MSRB3: variants seen among roughly 807,000 people sequenced by gnomAD.
MSRB3 encodes methionine-R-sulfoxide reductase B3.
In MSRB3, 13 loss-of-function variants were observed where a neutral mutation model predicts 21.0. That is an observed-to-expected ratio of 0.62 (90% CI 0.40 to 0.98). The LOEUF (loss-of-function observed/expected upper bound fraction) is 0.98, where lower values mean the gene tolerates loss of function less well. Ranked by LOEUF, MSRB3 falls within the 50% of genes least tolerant of loss-of-function variation. The pLI, the probability that MSRB3 is intolerant of heterozygous loss-of-function variation, is 0.00. For synonymous variants in MSRB3, 87 were observed against 88.6 expected (o/e 0.98, Z 0.10); for missense variants, 199 against 230.3 (o/e 0.86, Z 0.88).
Position 65,426,648 on chromosome 12 carries a change from T to C in MSRB3, c.293-27080T>C, listed in dbSNP as rs556943429. On this transcript the variant is annotated intron_variant, in intron 5 of 6. Coordinates refer to ENST00000308259, the MANE Select transcript of MSRB3 (RefSeq NM_001031679.3). ...TTTAAATAAGCTTTCTGGCTCTTTG[T>C]CTCTTTATTCTCCCCCAAATCCTAT... Among the ~76,000 whole-genome samples the C allele has an allele frequency of 6.6e-5, 10 of 152,332 alleles. No homozygotes were observed. In the South Asian group the frequency reaches 2.1e-3, roughly 32 times the overall value.
chr12:65,342,332 A>G (rs774234928), intron 4 of MSRB3, among the ~76,000 whole-genome samples: 21 of 151,998 alleles, frequency 1.4e-4, no homozygotes, highest in Non-Finnish European at 2.7e-4. Flanking sequence ...GGCAGAAAAT[A>G]TAAACAGATA....
At chr12:65,431,016 A>G (rs1881851862) in intron 5 of MSRB3, among the ~76,000 whole-genome samples, 3 of 152,094 alleles carry the variant, frequency 2.0e-5, no homozygotes, top group Admixed American at 1.3e-4. Flanking sequence ...AAATTCATCA[A>G]ACTCCTTTCC....
intron 5 of MSRB3, among the ~76,000 whole-genome samples, chr12:65,389,557 C>T (rs763122064): frequency 6.6e-6 from 1 of 152,296 alleles, no homozygotes; most frequent in East Asian, 1.9e-4. Context: ...GCTATCCTCA[C>T]GTGTGATTTC....
rs758848551 is a variant in MSRB3 at position 65,463,148 on chromosome 12, C to G, written c.391-7C>G. ...CTTTTCCCTGACGTTTTGTTCTTCT[C>G]TTTCAGTGTGGTGCTCACCTTGGGC... On this transcript the variant is annotated splice_polypyrimidine_tract_variant and splice_region_variant and intron_variant, in intron 6 of 6. Transcript: ENST00000308259. The G allele has an allele frequency of 2.6e-5, 42 of 1,613,932 alleles. No individual in the cohort carries two copies. The highest frequency in any genetic ancestry group is 1.5e-4 in the Admixed American group (9 of 60,002).
intron 1 of MSRB3, chr12:65,285,057 A>G (rs1236861561): frequency 6.6e-6 from 1 of 152,232 alleles, no homozygotes; most frequent in Non-Finnish European, 1.5e-5. Context: ...AATGTGAAGA[A>G]GATATGATTT....
intron 5 of MSRB3, among the ~76,000 whole-genome samples, chr12:65,393,931 T>G (rs1330848708): frequency 6.6e-6 from 1 of 152,110 alleles, no homozygotes; most frequent in African/African-American, 2.4e-5. Flanking sequence ...TAAATATTTA[T>G]GCCACTAAAT....
At chr12:65,332,662 A>G (rs917139700) in intron 4 of MSRB3, among the ~76,000 whole-genome samples, 1 of 152,136 alleles carries the variant, frequency 6.6e-6, no homozygotes, top group Non-Finnish European at 1.5e-5. Context: ...CATTTCCCCC[A>G]CTGCTATTTC....
At chr12:65,291,553 A>C (rs1872666917) in intron 1 of MSRB3, among the ~76,000 whole-genome samples, 1 of 151,714 alleles carries the variant, frequency 6.6e-6, no homozygotes, top group Admixed American at 6.6e-5. Context: ...AGTTGCTTAC[A>C]TCCTTGCTGT....
chr12:65,380,771 G>A lies in MSRB3; in HGVS notation c.292+11745G>A, dbSNP rs910167937. On this transcript the variant is annotated intron_variant, in intron 5 of 6. Transcript: ENST00000308259. ...TATAAATGAATAGACCAAAGCACAG[G>A]AAGTTTAGATATTTGCCCAAGGTCA... Among the ~76,000 whole-genome samples the A allele has an allele frequency of 3.3e-5, 5 of 152,254 alleles. No homozygotes were observed. In the South Asian group the frequency reaches 1.0e-3, roughly 32 times the overall value.
intron 1 of MSRB3, among the ~76,000 whole-genome samples, chr12:65,290,847 G>T (rs1021153753): frequency 4.6e-5 from 7 of 152,066 alleles, no homozygotes; most frequent in Non-Finnish European, 8.8e-5. Flanking sequence ...TTTAAAATCA[G>T]ACATATATAA....
Position 65,287,995 on chromosome 12 carries a change from A to G in MSRB3, c.-52+9130A>G, listed in dbSNP as rs910291980. Among the ~76,000 whole-genome samples, 3 of 152,068 alleles carry G rather than the reference A, an allele frequency of 2.0e-5. No homozygotes were observed. In the South Asian group the frequency reaches 6.2e-4, roughly 32 times the overall value. On this transcript the variant is annotated intron_variant, in intron 1 of 6. Transcript: ENST00000308259. ...CAAAATGAATGAATTGGACTGGGTA[A>G]TACCTGGTGTTGCTTTAAGATTCTG...
intron 4 of MSRB3, among the ~76,000 whole-genome samples, chr12:65,335,031 C>T (rs567190666): frequency 7.3e-4 from 111 of 152,212 alleles, no homozygotes; most frequent in African/African-American, 2.6e-3. Flanking sequence ...CTTTATCAAA[C>T]AATCAGAACA....
intron 5 of MSRB3, among the ~76,000 whole-genome samples, chr12:65,404,366 A>G (rs1418181147): frequency 6.6e-6 from 1 of 152,220 alleles, no homozygotes; most frequent in Non-Finnish European, 1.5e-5. Flanking sequence ...ATATTCCCAA[A>G]TATTTCCTGT....
chr12:65,302,618 C>T (rs1349214177), intron 1 of MSRB3, among the ~76,000 whole-genome samples: 6 of 152,108 alleles, frequency 3.9e-5, no homozygotes, highest in African/African-American at 1.2e-4. Context: ...TCTGAATAGC[C>T]AGGATTCTGT....
chr12:65,306,736 A>G (rs1313531165), intron 1 of MSRB3: 2 of 665,500 alleles, frequency 3.0e-6, no homozygotes, highest in Middle Eastern at 7.8e-4. Context: ...AGCCCTGGCT[A>G]TTTGGGTAGA....
At chr12:65,371,934 A>G (rs1469169850) in intron 5 of MSRB3, among the ~76,000 whole-genome samples, 2 of 152,196 alleles carry the variant, frequency 1.3e-5, no homozygotes, top group African/African-American at 4.8e-5. Context: ...ACCATGTATA[A>G]AAGTAGAAAG....
At chr12:65,360,938 A>G (rs1877664146) in intron 4 of MSRB3, among the ~76,000 whole-genome samples, 1 of 152,084 alleles carries the variant, frequency 6.6e-6, no homozygotes, top group African/African-American at 2.4e-5. Context: ...TCCCTCTTAA[A>G]CATTTCCAAT....
chr12:65,441,533 T>C (rs1209193493), intron 5 of MSRB3, among the ~76,000 whole-genome samples: 2 of 152,136 alleles, frequency 1.3e-5, no homozygotes, highest in African/African-American at 2.4e-5. Flanking sequence ...CAGGAACGTA[T>C]ATAGAAAATT....
At chr12:65,328,967 G>A (rs879225870) in intron 4 of MSRB3, among the ~76,000 whole-genome samples, 5 of 152,174 alleles carry the variant, frequency 3.3e-5, no homozygotes, top group Admixed American at 3.3e-4. Context: ...ATAATGAAAA[G>A]TTCTTCATGT....
Sources: allele counts gnomAD v4.1 joint callset (sites outside exome capture counted in the v4.1 genomes callset), GRCh38; gene constraint gnomAD v4.1.1; transcripts MANE v1.5; gene names NCBI Gene and HGNC (gene_info 2026-07-23, HGNC 2026-07-21).